The following YPEL1 variants were observed in gnomAD, a reference collection of about 807,000 sequenced individuals.
YPEL1 encodes protein yippee-like 1.
YPEL1 carries 7 observed loss-of-function variants against 17.3 expected under a neutral mutation model. The ratio of observed to expected loss-of-function variants is 0.40; its 90% confidence interval spans 0.23 to 0.76. The LOEUF (loss-of-function observed/expected upper bound fraction) is 0.76, where lower values mean the gene tolerates loss of function less well. Ranked by LOEUF, YPEL1 falls within the 30% of genes least tolerant of loss-of-function variation. The probability of loss-of-function intolerance (pLI) is 0.35; values close to 1 mark genes in which losing one functional copy is unlikely to be tolerated. For synonymous variants in YPEL1, 59 were observed against 59.6 expected (o/e 0.99, Z 0.05); for missense variants, 91 against 155.5 (o/e 0.59, Z 2.21).
chr22:21,731,607 C>T (rs568867219), intron 1 of YPEL1, among the ~76,000 whole-genome samples: 22 of 149,042 alleles, frequency 1.5e-4, no homozygotes, highest in South Asian at 4.2e-4. Context: ...GTTTGGGTGG[C>T]GGGGGTATAT....
At chr22:21,702,522 C>T (rs1297580682) in intron 4 of YPEL1, among the ~76,000 whole-genome samples, 3 of 152,152 alleles carry the variant, frequency 2.0e-5, no homozygotes, top group Non-Finnish European at 4.4e-5. Flanking sequence ...GGCAGGCAGG[C>T]CGGGCGCGGT....
chr22:21,720,540 G>A (rs1361146064), intron 1 of YPEL1, among the ~76,000 whole-genome samples: 3 of 151,922 alleles, frequency 2.0e-5, no homozygotes, highest in Non-Finnish European at 4.4e-5. Context: ...ACCCAGGCTG[G>A]AGTGCAATGG....
chr22:21,710,440 T>A, intron 2 of YPEL1, 188 bp downstream of exon 2: 2 of 616,980 alleles, frequency 3.2e-6, no homozygotes, highest in Non-Finnish European at 5.8e-6. Flanking sequence ...CAGGATCACA[T>A]CTGAGATCGT....
intron 1 of YPEL1, among the ~76,000 whole-genome samples, chr22:21,714,187 G>A (rs970907571): frequency 2.6e-5 from 4 of 152,270 alleles, no homozygotes; most frequent in African/African-American, 9.6e-5. Flanking sequence ...TGGGACTGAA[G>A]ATGTGTGTGG....
chr22:21,732,425 T>C (rs1427674855), intron 1 of YPEL1, among the ~76,000 whole-genome samples: 3 of 152,274 alleles, frequency 2.0e-5, no homozygotes, highest in Admixed American at 1.3e-4. Flanking sequence ...GGGGGGCTTC[T>C]ATTGCTTCTT....
Position 21,701,074 on chromosome 22 carries a change from C to CAT in YPEL1, c.*53_*54dup. On this transcript the variant is annotated 3_prime_UTR_variant, in exon 5 of 5. Transcript: ENST00000339468. ...ACCAGATGCTCCTACGTTTCCATTA[C>CAT]ATTCACAGTTTCTTTCACAAAACAG... 6.6e-7 allele frequency: 1 copy of CAT among 1,507,648 alleles called. No individual in the cohort carries two copies. The highest frequency in any genetic ancestry group is 9.2e-7 in the Non-Finnish European group (1 of 1,084,672). 93.4% of individuals were successfully genotyped at this position (1,507,648 alleles called of 1,614,324 possible).
At position 21,701,104 on chromosome 22, in the gene YPEL1, CAAA is replaced by C. The variant is rs781158827; in HGVS notation, c.*22_*24del. ...ACAGTTTCTTTCACAAAACAGCATT[CAAA>C]GGAGAAGGGAAAGTTCGCACATTAC... is the stretch of plus-strand genomic sequence containing the variant. On this transcript the variant is annotated 3_prime_UTR_variant, in exon 5 of 5. Transcript: ENST00000339468. 15 of 1,596,024 alleles carry C rather than the reference CAAA, an allele frequency of 9.4e-6. No homozygotes were observed. The South Asian group carries it at 1.5e-4, about 16-fold the overall frequency.
intron 1 of YPEL1, among the ~76,000 whole-genome samples, chr22:21,734,497 C>T (rs369192604): frequency 3.9e-5 from 6 of 152,180 alleles, no homozygotes. Context: ...TAATTAAGAG[C>T]GCTCAGTTAT....
chr22:21,717,095 C>G (rs147697862), intron 1 of YPEL1, among the ~76,000 whole-genome samples: 5 of 142,922 alleles, frequency 3.5e-5, no homozygotes, highest in Admixed American at 2.8e-4. Flanking sequence ...GCCGGGCGCG[C>G]TGGCTCACGC....
intron 1 of YPEL1, among the ~76,000 whole-genome samples, chr22:21,712,114 C>G (rs959862210): frequency 2.0e-5 from 3 of 152,048 alleles, no homozygotes; most frequent in African/African-American, 7.3e-5. Context: ...AGTTGAGGCT[C>G]AAGTGAGCTG....
At chr22:21,720,751 C>T (rs2068273161) in intron 1 of YPEL1, among the ~76,000 whole-genome samples, 1 of 150,534 alleles carries the variant, frequency 6.6e-6, no homozygotes, top group African/African-American at 2.4e-5. Context: ...TGGCCTCCCA[C>T]CCACCACGGC....
At position 21,733,296 on chromosome 22, in the gene YPEL1, A is replaced by T. The variant is rs180918641; in HGVS notation, c.-165+2319T>A. Among the ~76,000 whole-genome samples the T allele has an allele frequency of 1.9e-3, 284 of 151,850 alleles. 1 individual carries two copies. Among genetic ancestry groups the T allele is most frequent in the Non-Finnish European group, 2.9e-3 (200 of 67,910 alleles). ...GCTGGGTGTGGTGGCACATGCCTGT[A>T]ATCCCAGCTACTCGGGAGGCTGAGA... On this transcript the variant is annotated intron_variant, in intron 1 of 4. Coordinates refer to ENST00000339468, the MANE Select transcript of YPEL1 (RefSeq NM_013313.5).
rs998304205 is a variant in YPEL1, at chr22:21,735,606, C to G, written c.-165+9G>C. The G allele has an allele frequency of 1.3e-5, 2 of 151,800 alleles. No homozygotes were observed. The highest frequency in any genetic ancestry group is 6.6e-5 in the Admixed American group (1 of 15,236). 9.4% of individuals were successfully genotyped at this position (151,800 alleles called of 1,614,324 possible). A position where few individuals can be genotyped will look rare whatever the true frequency, so the allele number is the denominator to read the frequency against. On this transcript the variant is annotated intron_variant, in intron 1 of 4. Transcript: ENST00000339468. ...CCGCGCAGCTGCAGCCAGGCCCGCC[C>G]GTACTCACGGCCGCTCCGCGGTCCG...
intron 1 of YPEL1, among the ~76,000 whole-genome samples, chr22:21,732,651 G>A (rs554638625): frequency 5.3e-5 from 8 of 152,124 alleles, no homozygotes; most frequent in Non-Finnish European, 7.4e-5. Flanking sequence ...CTGTTGTGGC[G>A]GGTGCCTGTA....
chr22:21,732,083 G>A (rs1332580193), intron 1 of YPEL1, among the ~76,000 whole-genome samples: 1 of 152,218 alleles, frequency 6.6e-6, no homozygotes, highest in Non-Finnish European at 1.5e-5. Flanking sequence ...GGCAACAGTG[G>A]TTGGCTCCAG....
chr22:21,721,131 G>T (rs974903311), intron 1 of YPEL1, among the ~76,000 whole-genome samples: 2 of 151,042 alleles, frequency 1.3e-5, no homozygotes, highest in African/African-American at 4.9e-5. Flanking sequence ...GTTTTTTGGG[G>T]GGGGGAGGGG....
chr22:21,726,942 C>A (rs2068341713), intron 1 of YPEL1, among the ~76,000 whole-genome samples: 1 of 152,222 alleles, frequency 6.6e-6, no homozygotes, highest in Non-Finnish European at 1.5e-5. Flanking sequence ...AGAGTAAACA[C>A]TGAGGGCACC....
rs1016261289 is a variant in YPEL1 at position 21,703,056 on chromosome 22, C to T, written c.270+314G>A. Among the ~76,000 whole-genome samples, 5 of 152,248 alleles carry T rather than the reference C, an allele frequency of 3.3e-5. No individual in the cohort carries two copies. Among genetic ancestry groups the T allele is most frequent in the African/African-American group, 1.2e-4 (5 of 41,460 alleles). On this transcript the variant is annotated intron_variant, in intron 4 of 4. Coordinates refer to ENST00000339468, the MANE Select transcript of YPEL1 (RefSeq NM_013313.5). This position sits in a 1 kb window ranked among gnomAD's most constrained non-coding sequence, Gnocchi z 6.1. ...AGCCCCCTGCAGCCTCCTCGGCCTC[C>T]TCCCACACCAGGCTCTGCTCAGCGG...
Position 21,703,809 on chromosome 22 carries a change from G to A in YPEL1, c.161+30C>T, listed in dbSNP as rs76845365. The A allele has an allele frequency of 0.026, 41,172 of 1,605,030 alleles. 626 individuals are homozygous for A. Among genetic ancestry groups the A allele is most frequent in the African/African-American group, 0.039 (2,908 of 74,778 alleles). The stretch of plus-strand genomic sequence containing the variant: ...TCCAGGCCGTCCCAGGGCCCGTGCC[G>A]CTCCCCCCGGGCTGAACCAGGGTAC... On this transcript the variant is annotated intron_variant, in intron 3 of 4. Coordinates refer to ENST00000339468, the MANE Select transcript of YPEL1 (RefSeq NM_013313.5). This position sits in a 1 kb window ranked among gnomAD's most constrained non-coding sequence, Gnocchi z 6.1.
Sources: allele counts gnomAD v4.1 joint callset (sites outside exome capture counted in the v4.1 genomes callset), GRCh38; gene constraint gnomAD v4.1.1; non-coding constraint Gnocchi (gnomAD v3.1); transcripts MANE v1.5; gene names NCBI Gene and HGNC (gene_info 2026-07-23, HGNC 2026-07-21).